HPSE: variants seen among roughly 807,000 people sequenced by gnomAD.
HPSE encodes heparanase.
In HPSE, 48 loss-of-function variants were observed where a neutral mutation model predicts 65.1. The ratio of observed to expected loss-of-function variants is 0.74; its 90% CI spans 0.58 to 0.94. The LOEUF (loss-of-function observed/expected upper bound fraction) is 0.94, where lower values mean the gene tolerates loss of function less well. Ranked by LOEUF, HPSE falls within the 40% of genes least tolerant of loss-of-function variation. The probability of loss-of-function intolerance (pLI) is 0.00; values close to 1 mark genes in which losing one functional copy is unlikely to be tolerated. For missense variants in HPSE, 644 were observed against 637.5 expected (o/e 1.01, Z -0.11); for synonymous variants, 243 against 260.0 (o/e 0.93, Z 0.63).
At chr4:83,303,903 A>G (rs1344141687) in intron 9 of HPSE, among the ~76,000 whole-genome samples, 1 of 152,138 alleles carries the variant, frequency 6.6e-6, no homozygotes, top group Admixed American at 6.6e-5. Context: ...AGGAGGTGAA[A>G]AGTGGGAAGG....
At chr4:83,319,263 CT>C (rs1277557909) in intron 3 of HPSE, 80 bp downstream of exon 3, 22 of 1,387,134 alleles carry the variant, frequency 1.6e-5, no homozygotes, top group Non-Finnish European at 1.9e-5. Flanking sequence ...TTCCGTAGGA[CT>C]TGCTAGATTG....
intron 1 of HPSE, among the ~76,000 whole-genome samples, chr4:83,328,555 G>A (rs1432668335): frequency 6.6e-6 from 1 of 152,144 alleles, no homozygotes; most frequent in Non-Finnish European, 1.5e-5. Flanking sequence ...CCATAACAAA[G>A]ACCAAATAAG....
chr4:83,312,808 T>C (rs1736452432), intron 4 of HPSE, among the ~76,000 whole-genome samples: 1 of 114,410 alleles, frequency 8.7e-6, no homozygotes, highest in African/African-American at 3.3e-5. Context: ...CCATCCTGGC[T>C]AACACGGTGA....
upstream of HPSE, chr4:83,335,025 C>A (rs1034837292): frequency 3.6e-6 from 2 of 554,780 alleles, no homozygotes; most frequent in South Asian, 3.1e-5. Flanking sequence ...GCTTTCCCCT[C>A]GGTGGCGGTC....
chr4:83,322,765 G>A (rs867778059), intron 1 of HPSE, among the ~76,000 whole-genome samples: 8 of 148,450 alleles, frequency 5.4e-5, no homozygotes, highest in Admixed American at 3.4e-4. Context: ...GCAATTTGTA[G>A]CTCTAATTCT....
At chr4:83,316,337 T>A (rs1329207914) in intron 3 of HPSE, among the ~76,000 whole-genome samples, 15 of 50,068 alleles carry the variant, frequency 3.0e-4, no homozygotes, top group Non-Finnish European at 5.3e-4. Flanking sequence ...ACATCTACTT[T>A]AAAAAAAAAA....
intron 1 of HPSE, among the ~76,000 whole-genome samples, chr4:83,331,755 C>T (rs780690048): frequency 1.2e-4 from 18 of 152,164 alleles, no homozygotes; most frequent in Admixed American, 7.2e-4. Context: ...AAGGTTTGGG[C>T]CCTGATACTG....
At chr4:83,317,331 T>C (rs964152493) in intron 3 of HPSE, among the ~76,000 whole-genome samples, 1 of 152,206 alleles carries the variant, frequency 6.6e-6, no homozygotes, top group Non-Finnish European at 1.5e-5. Flanking sequence ...CAGCCACAGG[T>C]TCAGAACAAT....
rs908545675 is a variant in HPSE, at chr4:83,293,052, T to A, written c.*2292A>T. On this transcript the variant is annotated 3_prime_UTR_variant, in exon 12 of 12. Transcript: ENST00000311412. ...TACTATATCCATAACAGGCATACAT[T>A]TGAAGAATATTAATCCTTAAGAGGG... The A allele has an allele frequency of 6.6e-6, 1 of 152,220 alleles. No homozygotes were observed. Among genetic ancestry groups the A allele is most frequent in the Non-Finnish European group, 1.5e-5 (1 of 68,040 alleles). 9.4% of individuals were successfully genotyped at this position (152,220 alleles called of 1,614,324 possible).
In HPSE at chr4:83,295,213, GAC is replaced by G; in HGVS notation, c.*129_*130del. ...AAAATACTGTGCTAAATCTAGCACT[GAC>G]AGTGTCCCAGTGTCTCTCAAGCACC... On this transcript the variant is annotated 3_prime_UTR_variant, in exon 12 of 12. Transcript: ENST00000311412. The G allele has an allele frequency of 1.6e-6, 1 of 645,022 alleles. No homozygotes were observed. The highest frequency in any genetic ancestry group is 2.6e-5 in the East Asian group (1 of 38,100). The allele number at this position is 645,022 out of a possible 1,614,324, so 40.0% of individuals were successfully genotyped here. A position where few individuals can be genotyped will look rare whatever the true frequency, so the allele number is the denominator to read the frequency against.
At chr4:83,305,684 T>C (rs1166729508) in intron 9 of HPSE, among the ~76,000 whole-genome samples, 1 of 152,206 alleles carries the variant, frequency 6.6e-6, no homozygotes, top group Non-Finnish European at 1.5e-5. Flanking sequence ...TAGCACCAGA[T>C]ACAGTTGGAG....
In HPSE at chr4:83,313,265, GTA is replaced by G; in HGVS notation, c.520_521del (p.Tyr174HisfsTer29). The G allele has an allele frequency of 6.2e-7, 1 of 1,613,294 alleles. No homozygotes were observed. Among genetic ancestry groups the G allele is most frequent in the Non-Finnish European group, 8.5e-7 (1 of 1,179,688 alleles). ...TYSRSSVDVL[Y>X]TFANCSGLDL... Reference sequence around the variant, plus strand: ...CCAGTCCTGAGCAGTTTGCAAAAGTGTATAGCACATCTACAGAGCTTCCTAAA... The same window carrying G: ...CCAGTCCTGAGCAGTTTGCAAAAGTGTAGCACATCTACAGAGCTTCCTAAA... On this transcript the variant is annotated frameshift_variant, in exon 4 of 12. Transcript: ENST00000311412. LOFTEE classifies it high-confidence loss of function.
At chr4:83,325,828 T>A (rs2126196683) in intron 1 of HPSE, among the ~76,000 whole-genome samples, 1 of 152,114 alleles carries the variant, frequency 6.6e-6, no homozygotes, top group Middle Eastern at 3.4e-3. Flanking sequence ...GAGAGTGGGG[T>A]AGGATTGAAG....
intron 2 of HPSE, among the ~76,000 whole-genome samples, chr4:83,321,418 G>A (rs4593123): frequency 0.96 from 146,833 of 152,286 alleles, 71,027 homozygotes; most frequent in East Asian, 1. Context: ...GAATATATAC[G>A]TTATATACAC....
At chr4:83,324,644 A>G (rs1219318991) in intron 1 of HPSE, among the ~76,000 whole-genome samples, 1 of 152,234 alleles carries the variant, frequency 6.6e-6, no homozygotes. Flanking sequence ...GAAGGATGGC[A>G]TCTGTCATGG....
At chr4:83,298,490 A>AC (rs1735813152) in intron 11 of HPSE, among the ~76,000 whole-genome samples, 2 of 151,436 alleles carry the variant, frequency 1.3e-5, no homozygotes, top group Admixed American at 6.6e-5. Context: ...TTAAAAAAAA[A>AC]CAGATGTTCA....
chr4:83,322,966 A>G (rs1473109947), intron 1 of HPSE, among the ~76,000 whole-genome samples: 2 of 152,060 alleles, frequency 1.3e-5, no homozygotes, highest in Non-Finnish European at 2.9e-5. Flanking sequence ...GTACCCAGCC[A>G]GGAGCTTATG....
chr4:83,305,190 T>A (rs1011737964), intron 9 of HPSE, among the ~76,000 whole-genome samples: 7 of 152,124 alleles, frequency 4.6e-5, no homozygotes, highest in Admixed American at 3.3e-4. Context: ...AAGGCAAAGG[T>A]TTATGTCTGG....
intron 1 of HPSE, among the ~76,000 whole-genome samples, chr4:83,322,787 G>GTTTT (rs1553920741): frequency 3.6e-5 from 4 of 111,866 alleles, no homozygotes; most frequent in Admixed American, 9.0e-5. Flanking sequence ...GCAAGAGCTT[G>GTTTT]TTTGTGTGTG....
Sources: gnomAD v4.1 joint callset for allele counts (sites outside exome capture counted in the v4.1 genomes callset) on GRCh38, gnomAD v4.1.1 for gene constraint, MANE v1.5 for transcripts, NCBI Gene and HGNC (gene_info 2026-07-23, HGNC 2026-07-21) for gene names.